The following TUT4 variants were observed in gnomAD, a reference collection of about 807,000 sequenced individuals.
TUT4 encodes the protein terminal uridylyltransferase 4.
Under a neutral mutation model 192.2 loss-of-function variants are expected in TUT4, and 36 were observed. The observed-to-expected ratio is 0.19, with a 90% confidence interval of 0.14 to 0.25. The LOEUF is 0.25. Among genes scored for constraint, TUT4 ranks in the 10% least tolerant of loss-of-function variants. The pLI is 1.00. For missense variants in TUT4, 1,493 were observed against 1,957.2 expected (o/e 0.76, Z 4.47); for synonymous variants, 618 against 666.0 (o/e 0.93, Z 1.11).
At chr1:52,473,552 C>A (rs143386776) in intron 13 of TUT4, among the ~76,000 whole-genome samples, 32 of 152,192 alleles carry the variant, frequency 2.1e-4, no homozygotes, top group Admixed American at 1.2e-3. Context: ...CATTAAATAT[C>A]TATAGCTTTT....
At chr1:52,425,548 A>G (rs536264375) in intron 28 of TUT4, 41 bp from the exon 29 acceptor site, 1 of 1,560,534 alleles carries the variant, frequency 6.4e-7, no homozygotes. Context: ...TAAAAACATT[A>G]GTTCATTCAT....
intron 1 of TUT4, among the ~76,000 whole-genome samples, chr1:52,545,378 CAA>C (rs1269542752): frequency 3.7e-4 from 26 of 70,704 alleles, no homozygotes; most frequent in Admixed American, 5.0e-4. Flanking sequence ...GACTCTGTCT[CAA>C]AAAAAAAAAA....
At chr1:52,481,046 G>A (rs1668364806) in intron 11 of TUT4, among the ~76,000 whole-genome samples, 1 of 152,150 alleles carries the variant, frequency 6.6e-6, no homozygotes, top group Non-Finnish European at 1.5e-5. Context: ...AATGCTGAAT[G>A]ATCAAATAAG....
intron 1 of TUT4, among the ~76,000 whole-genome samples, chr1:52,528,490 CA>C (rs370291946): frequency 0.021 from 1,880 of 90,170 alleles, 29 homozygotes; most frequent in African/African-American, 0.058. Context: ...GACCCTGTCT[CA>C]AAAAAAAAAA....
At chr1:52,486,267 C>T (rs148748829) in intron 9 of TUT4, among the ~76,000 whole-genome samples, 17 of 152,242 alleles carry the variant, frequency 1.1e-4, no homozygotes, top group South Asian at 8.3e-4. Flanking sequence ...GCAATTCTTA[C>T]ATTAACCACG....
intron 1 of TUT4, among the ~76,000 whole-genome samples, chr1:52,549,150 C>T (rs1688791472): frequency 6.6e-6 from 1 of 152,118 alleles, no homozygotes; most frequent in East Asian, 1.9e-4. Flanking sequence ...ACTCTGTTAG[C>T]TAGGAAGCCA....
chr1:52,528,403 A>G (rs964846967), intron 1 of TUT4, among the ~76,000 whole-genome samples: 1 of 151,278 alleles, frequency 6.6e-6, no homozygotes, highest in Non-Finnish European at 1.5e-5. Context: ...AGGTGGGAGG[A>G]TCGCTTGAGA....
At chr1:52,512,964 C>T (rs1267832689) in intron 3 of TUT4, among the ~76,000 whole-genome samples, 1 of 151,448 alleles carries the variant, frequency 6.6e-6, no homozygotes, top group Non-Finnish European at 1.5e-5. Flanking sequence ...AAAAATGTTA[C>T]TTAAGAGGAC....
At chr1:52,514,123 A>G (rs1476470359) in intron 3 of TUT4, among the ~76,000 whole-genome samples, 1 of 152,142 alleles carries the variant, frequency 6.6e-6, no homozygotes. Context: ...CCAGAGGAAA[A>G]GTGAAAGAAC....
intron 6 of TUT4, among the ~76,000 whole-genome samples, chr1:52,495,218 T>C (rs60707092): frequency 9.2e-5 from 14 of 152,284 alleles, no homozygotes; most frequent in African/African-American, 3.4e-4. Context: ...AGCTTTCCTC[T>C]TCTGCTTCCT....
At chr1:52,424,108 TAGG>T in intron 29 of TUT4, 106 bp from the exon 30 acceptor site, 3 of 1,136,968 alleles carry the variant, frequency 2.6e-6, no homozygotes, top group South Asian at 2.8e-5. Flanking sequence ...ATTTATATAA[TAGG>T]AGGTGATAAA....
chr1:52,535,620 T>C (rs1684702232), intron 1 of TUT4, among the ~76,000 whole-genome samples: 1 of 152,060 alleles, frequency 6.6e-6, no homozygotes, highest in South Asian at 2.1e-4. Flanking sequence ...GAAAAAATAT[T>C]TGAAGAAACA....
At chr1:52,523,986 A>G (rs985651069) in intron 2 of TUT4, among the ~76,000 whole-genome samples, 9 of 152,354 alleles carry the variant, frequency 5.9e-5, no homozygotes, top group Admixed American at 4.6e-4. Context: ...ACACTAGGAA[A>G]AAAAGATTAT....
chr1:52,513,371 C>T (rs1677779802), intron 3 of TUT4, among the ~76,000 whole-genome samples: 1 of 101,692 alleles, frequency 9.8e-6, no homozygotes, highest in Admixed American at 1.4e-4. Context: ...TCAGCCTGGG[C>T]AACCAGAATG....
intron 20 of TUT4, among the ~76,000 whole-genome samples, chr1:52,452,485 A>G (rs1034807245): frequency 6.6e-6 from 1 of 152,204 alleles, no homozygotes; most frequent in Non-Finnish European, 1.5e-5. Flanking sequence ...TTTCAGCCCT[A>G]TACCCCAACC....
At chr1:52,459,791 A>G (rs1361789156) in intron 19 of TUT4, among the ~76,000 whole-genome samples, 1 of 150,430 alleles carries the variant, frequency 6.6e-6, no homozygotes, top group African/African-American at 2.5e-5. Context: ...TGAGGCAGGG[A>G]AAACTGCTTG....
chr1:52,430,055 A>G (rs902050155), intron 28 of TUT4, among the ~76,000 whole-genome samples: 3 of 152,074 alleles, frequency 2.0e-5, no homozygotes, highest in African/African-American at 7.2e-5. Context: ...ATAGTAATAC[A>G]CCAAAATATT....
rs576050725 is a variant in TUT4 at position 52,447,477 on chromosome 1, C to CA, written c.3436-811dup. ...AAAAAAAAACAAAAAAACAAAAAAACAAAAAAAAAAAAGGAAAATTAGGAA... is the reference window on the plus strand; with the variant it reads ...AAAAAAAAACAAAAAAACAAAAAAACAAAAAAAAAAAAAGGAAAATTAGGAA... On this transcript the variant is annotated intron_variant, in intron 20 of 29. Coordinates refer to ENST00000257177, the MANE Select transcript of TUT4 (RefSeq NM_001009881.3). Among the ~76,000 whole-genome samples the CA allele has an allele frequency of 3.3e-3, 376 of 113,266 alleles. 3 individuals are homozygous for CA. Among genetic ancestry groups the CA allele is most frequent in the South Asian group, 0.01 (39 of 3,750 alleles). The allele number at this position is 113,266 out of a possible 152,430, so 74.3% of individuals were successfully genotyped here.
At chr1:52,497,299 A>C in intron 4 of TUT4, 116 bp from the exon 5 acceptor site, 1 of 1,028,314 alleles carries the variant, frequency 9.7e-7, no homozygotes, top group Non-Finnish European at 1.4e-6. Flanking sequence ...TTCACCTTCC[A>C]TCTACCAGAT....
Sources: gnomAD v4.1 joint callset for allele counts (sites outside exome capture counted in the v4.1 genomes callset) on GRCh38, gnomAD v4.1.1 for gene constraint, MANE v1.5 for transcripts, NCBI Gene and HGNC (gene_info 2026-07-23, HGNC 2026-07-21) for gene names.